The following MIS18A variants were observed in gnomAD, a reference collection of about 807,000 sequenced individuals.
The protein encoded by MIS18A is MIS18 kinetochore protein A, also known as protein Mis18-alpha.
MIS18A carries 14 observed loss-of-function variants against 25.0 expected under a neutral mutation model. That is an observed-to-expected ratio of 0.56 (90% CI 0.37 to 0.88). MIS18A has a LOEUF of 0.88. Ranked by LOEUF, MIS18A falls within the 40% of genes least tolerant of loss-of-function variation. The pLI, the probability that MIS18A is intolerant of heterozygous loss-of-function variation, is 0.00. For synonymous variants in MIS18A, 134 were observed against 118.6 expected (o/e 1.13, Z -0.84); for missense variants, 292 against 290.8 (o/e 1.00, Z -0.03).
chr21:32,204,712 C>T, the MIS18A span, among the ~76,000 whole-genome samples: 1 of 151,728 alleles, frequency 6.6e-6, no homozygotes, highest in Non-Finnish European at 1.5e-5. Context: ...CATGGTGAAA[C>T]CCTGTCTCTA....
the MIS18A span, among the ~76,000 whole-genome samples, chr21:32,235,988 A>AC: frequency 6.6e-6 from 1 of 152,034 alleles, no homozygotes; most frequent in African/African-American, 2.4e-5. Flanking sequence ...GCATCAGAGA[A>AC]CTCTCACGCA....
At chr21:32,206,010 A>T in the MIS18A span, among the ~76,000 whole-genome samples, 2 of 151,578 alleles carry the variant, frequency 1.3e-5, no homozygotes, top group East Asian at 3.9e-4. Flanking sequence ...CTGGCTGGCC[A>T]CTCCTTGTTT....
the MIS18A span, among the ~76,000 whole-genome samples, chr21:32,184,095 G>A: frequency 6.6e-6 from 1 of 152,178 alleles, no homozygotes; most frequent in South Asian, 2.1e-4. Context: ...TCCTGTTAAA[G>A]TGGCTGTGTC....
At chr21:32,252,143 A>G in the MIS18A span, among the ~76,000 whole-genome samples, 1 of 151,712 alleles carries the variant, frequency 6.6e-6, no homozygotes, top group African/African-American at 2.4e-5. Flanking sequence ...CTAAGATTAC[A>G]CCACTGCACT....
chr21:32,203,486 C>A, the MIS18A span, among the ~76,000 whole-genome samples: 4,766 of 144,454 alleles, frequency 0.033, 273 homozygotes, highest in African/African-American at 0.11. Context: ...CAATACCATC[C>A]TTGGGAGCTT....
chr21:32,238,508 T>C, the MIS18A span, among the ~76,000 whole-genome samples: 1 of 152,184 alleles, frequency 6.6e-6, no homozygotes, highest in Non-Finnish European at 1.5e-5. Flanking sequence ...TAATCATAAC[T>C]TGCTCCATGA....
chr21:32,171,456 T>A, the MIS18A span, among the ~76,000 whole-genome samples: 1 of 152,060 alleles, frequency 6.6e-6, no homozygotes, highest in South Asian at 2.1e-4. Flanking sequence ...CAGTTATGTT[T>A]CACTTAATGA....
At position 32,273,217 on chromosome 21, in the gene MIS18A, G is replaced by A. The variant is rs753885299; in HGVS notation, c.401+1613C>T. Among the ~76,000 whole-genome samples, 49 of 150,952 alleles carry A rather than the reference G, an allele frequency of 3.2e-4. 1 individual carries two copies. The highest frequency in any genetic ancestry group is 3.4e-3 in the Middle Eastern group (1 of 292). On this transcript the variant is annotated intron_variant, in intron 2 of 4. Transcript: ENST00000290130. Reference sequence around the variant, plus strand: ...ACCTTTCTAGGTACACCACCCTCCCGGCATCTCATATTCACCAATCTGGAA... The same window carrying A: ...ACCTTTCTAGGTACACCACCCTCCCAGCATCTCATATTCACCAATCTGGAA...
chr21:32,201,404 C>T, the MIS18A span, among the ~76,000 whole-genome samples: 7 of 152,110 alleles, frequency 4.6e-5, no homozygotes, highest in African/African-American at 1.4e-4. Context: ...CTCAGAACTT[C>T]GGAAGGCAAT....
chr21:32,225,179 G>A, the MIS18A span, among the ~76,000 whole-genome samples: 2 of 54,828 alleles, frequency 3.6e-5, no homozygotes, highest in Admixed American at 3.9e-4. Flanking sequence ...AAAAACCCTA[G>A]AAGAAAACCT....
the MIS18A span, among the ~76,000 whole-genome samples, chr21:32,175,812 A>AC: frequency 3.2e-4 from 49 of 151,200 alleles, no homozygotes; most frequent in Admixed American, 7.3e-4. Context: ...TCCATCTCAA[A>AC]AAAAACAAAA....
At chr21:32,183,291 C>G in the MIS18A span, among the ~76,000 whole-genome samples, 1 of 152,314 alleles carries the variant, frequency 6.6e-6, no homozygotes, top group African/African-American at 2.4e-5. Context: ...ATTGAATACA[C>G]ACATACACAA....
the MIS18A span, among the ~76,000 whole-genome samples, chr21:32,164,618 C>A: frequency 6.6e-6 from 1 of 151,140 alleles, no homozygotes; most frequent in Non-Finnish European, 1.5e-5. Flanking sequence ...GCTGAAGTTT[C>A]CAAAAATTCA....
chr21:32,207,048 C>T, the MIS18A span, among the ~76,000 whole-genome samples: 1 of 152,214 alleles, frequency 6.6e-6, no homozygotes, highest in African/African-American at 2.4e-5. Flanking sequence ...TAATAAGGGG[C>T]ATCTGATTGA....
chr21:32,235,256 G>A, the MIS18A span, among the ~76,000 whole-genome samples: 2 of 152,154 alleles, frequency 1.3e-5, no homozygotes, highest in Middle Eastern at 3.2e-3. Flanking sequence ...CACCTGAGGC[G>A]GCCAGCAACC....
At chr21:32,215,698 T>C in the MIS18A span, among the ~76,000 whole-genome samples, 1 of 152,216 alleles carries the variant, frequency 6.6e-6, no homozygotes, top group Non-Finnish European at 1.5e-5. Context: ...CTCATAATTT[T>C]GTCCTGGAGA....
At chr21:32,274,106 T>C (rs2123468650) in intron 2 of MIS18A, among the ~76,000 whole-genome samples, 1 of 152,232 alleles carries the variant, frequency 6.6e-6, no homozygotes, top group Non-Finnish European at 1.5e-5. Context: ...CAGCATTTTA[T>C]GTGTGTGCCA....
the MIS18A span, among the ~76,000 whole-genome samples, chr21:32,204,185 T>G: frequency 6.6e-6 from 1 of 151,994 alleles, no homozygotes; most frequent in Non-Finnish European, 1.5e-5. Flanking sequence ...TTAGAGGGGT[T>G]CATAGAAAAT....
chr21:32,175,800 A>T, the MIS18A span, among the ~76,000 whole-genome samples: 1 of 149,924 alleles, frequency 6.7e-6, no homozygotes, highest in African/African-American at 2.5e-5. Context: ...ATAGTGAGAG[A>T]CTCCATCTCA....
Sources: gnomAD v4.1 joint callset for allele counts (sites outside exome capture counted in the v4.1 genomes callset) on GRCh38, gnomAD v4.1.1 for gene constraint, MANE v1.5 for transcripts, NCBI Gene and HGNC (gene_info 2026-07-23, HGNC 2026-07-21) for gene names.